MECOM: variants seen among roughly 807,000 people sequenced by gnomAD.
MECOM encodes the protein histone-lysine N-methyltransferase MECOM.
Under a neutral mutation model 116.3 loss-of-function variants are expected in MECOM, and 13 were observed. The observed-to-expected ratio is 0.11, with a 90% CI of 0.07 to 0.18. The LOEUF is 0.18. MECOM is among the 10% of genes least tolerant of loss of function. The probability of loss-of-function intolerance (pLI) is 1.00; values close to 1 mark genes in which losing one functional copy is unlikely to be tolerated. For missense variants in MECOM, 1,299 were observed against 1,509.0 expected (o/e 0.86, Z 2.31); for synonymous variants, 528 against 535.2 (o/e 0.99, Z 0.19).
At chr3:169,508,548 T>C (rs1755581931) in intron 1 of MECOM, among the ~76,000 whole-genome samples, 1 of 152,170 alleles carries the variant, frequency 6.6e-6, no homozygotes, top group Non-Finnish European at 1.5e-5. Context: ...ACACATTTTT[T>C]GTGAGACTCT....
At chr3:169,569,901 A>C (rs923971810) in intron 1 of MECOM, among the ~76,000 whole-genome samples, 1 of 152,226 alleles carries the variant, frequency 6.6e-6, no homozygotes, top group Non-Finnish European at 1.5e-5. Context: ...GGAAAGATCT[A>C]AAATCAAAAA....
intron 2 of MECOM, among the ~76,000 whole-genome samples, chr3:169,308,954 T>G (rs1473271736): frequency 2.0e-5 from 3 of 152,148 alleles, no homozygotes; most frequent in Non-Finnish European, 2.9e-5. Context: ...AATTATGACA[T>G]TCCACCACTA....
intron 5 of MECOM, among the ~76,000 whole-genome samples, chr3:169,124,416 T>C (rs2149143996): frequency 6.6e-6 from 1 of 152,110 alleles, no homozygotes; most frequent in Non-Finnish European, 1.5e-5. Context: ...GACTGCCCTC[T>C]GGGGGAGCCT....
At chr3:169,481,124 C>T (rs1233376215) in intron 1 of MECOM, among the ~76,000 whole-genome samples, 3 of 152,110 alleles carry the variant, frequency 2.0e-5, no homozygotes, top group East Asian at 1.9e-4. Context: ...CAGAAAACAT[C>T]GGTTAAAAAA....
intron 1 of MECOM, among the ~76,000 whole-genome samples, chr3:169,450,611 G>T (rs1478646451): frequency 6.6e-6 from 1 of 151,952 alleles, no homozygotes; most frequent in Admixed American, 6.6e-5. Flanking sequence ...CAAAAAAGAG[G>T]CCAGAGAAGA....
At chr3:169,150,342 A>G (rs16853260) in intron 2 of MECOM, among the ~76,000 whole-genome samples, 1,780 of 152,300 alleles carry the variant, frequency 0.012, 41 homozygotes, top group African/African-American at 0.041. Flanking sequence ...AAATAAATAC[A>G]AGGAGCCAAA....
intron 2 of MECOM, among the ~76,000 whole-genome samples, chr3:169,358,552 C>T (rs1212667268): frequency 6.6e-6 from 1 of 151,158 alleles, no homozygotes; most frequent in Non-Finnish European, 1.5e-5. Flanking sequence ...ATCACCTTTT[C>T]CTTTTATAGA....
In MECOM at chr3:169,663,559, T is replaced by C; in HGVS notation, c.-187A>G. The C allele has an allele frequency of 1.6e-6, 1 of 619,834 alleles. No individual in the cohort carries two copies. Among genetic ancestry groups the C allele is most frequent in the Middle Eastern group, 4.4e-4 (1 of 2,268 alleles). The allele number at this position is 619,834 out of a possible 1,614,324, so 38.4% of individuals were successfully genotyped here. ...CCCTCCTGTTTCTCTCCTGTTTCTCTCTCTCTTCCACACACTCACTCTCTG... is the reference window on the plus strand; with the variant it reads ...CCCTCCTGTTTCTCTCCTGTTTCTCCCTCTCTTCCACACACTCACTCTCTG... On this transcript the variant is annotated 5_prime_UTR_variant, in exon 1 of 17. Coordinates refer to ENST00000651503, the MANE Select transcript of MECOM (RefSeq NM_004991.4).
At chr3:169,598,414 A>C (rs1767409430) in intron 1 of MECOM, among the ~76,000 whole-genome samples, 1 of 152,234 alleles carries the variant, frequency 6.6e-6, no homozygotes, top group Non-Finnish European at 1.5e-5. Context: ...TAAAACATAC[A>C]AAAAAGATTC....
intron 2 of MECOM, among the ~76,000 whole-genome samples, chr3:169,360,290 T>TAAAA (rs1203615730): frequency 2.4e-4 from 7 of 29,506 alleles, no homozygotes; most frequent in Admixed American, 2.0e-3. Context: ...TAAAGTATAA[T>TAAAA]AAAAAAAAAA....
rs1761661962 is a variant in MECOM, at chr3:169,553,561, C to G, written c.37+109775G>C. On this transcript the variant is annotated intron_variant, in intron 1 of 16. Transcript: ENST00000651503. ...ATCACTAAGTCAGTTTCTACCTTTT[C>G]CTGGGCTCATAGGTAGATTATATGT... Among the ~76,000 whole-genome samples the G allele has an allele frequency of 2.0e-5, 3 of 152,212 alleles. 1 individual carries two copies. The highest frequency in any genetic ancestry group is 1.3e-4 in the Admixed American group (2 of 15,280).
chr3:169,511,533 G>A (rs1451200247), intron 1 of MECOM, among the ~76,000 whole-genome samples: 5 of 152,146 alleles, frequency 3.3e-5, no homozygotes, highest in Admixed American at 1.3e-4. Flanking sequence ...AGGCCGAGGT[G>A]GGCAGATCAC....
At position 169,143,763 on chromosome 3, in the gene MECOM, T is replaced by C; in HGVS notation, c.445A>G (p.Lys149Glu). The C allele has an allele frequency of 6.2e-7, 1 of 1,611,500 alleles. No homozygotes were observed. The highest frequency in any genetic ancestry group is 8.5e-7 in the Non-Finnish European group (1 of 1,178,802). ...ASQPDVGSWL[K>E]YIRFAGCYDQ... ...TAACAGCCAGCGAATCTAATGTACT[T>C]GAGCCAGCTTCCAACATCTGGTTGA... The change falls in exon 3 of 17, where the codon AAG becomes GAG. Residue 149 changes from lysine to glutamate, a missense_variant. This residue lies in a region of MECOM where 374 missense variants were observed against 433.4 expected (regional missense o/e 0.86). Coordinates refer to ENST00000651503, the MANE Select transcript of MECOM (RefSeq NM_004991.4).
At chr3:169,230,329 G>T (rs1036102943) in intron 2 of MECOM, among the ~76,000 whole-genome samples, 2 of 151,836 alleles carry the variant, frequency 1.3e-5, no homozygotes, top group Non-Finnish European at 2.9e-5. Context: ...GGGATATGAA[G>T]CATCTTGCCT....
intron 1 of MECOM, among the ~76,000 whole-genome samples, chr3:169,507,962 A>T (rs921906021): frequency 6.6e-6 from 1 of 151,942 alleles, no homozygotes; most frequent in Non-Finnish European, 1.5e-5. Flanking sequence ...GCCCGGCCCC[A>T]ACTTGCCATT....
intron 2 of MECOM, among the ~76,000 whole-genome samples, chr3:169,244,157 A>G (rs548949436): frequency 6.6e-6 from 1 of 152,266 alleles, no homozygotes; most frequent in African/African-American, 2.4e-5. Flanking sequence ...TCTCCTCTTA[A>G]TCTCCTCAGA....
At chr3:169,254,155 G>A (rs1347764538) in intron 2 of MECOM, among the ~76,000 whole-genome samples, 1 of 151,976 alleles carries the variant, frequency 6.6e-6, no homozygotes, top group Non-Finnish European at 1.5e-5. Flanking sequence ...TGAAAATCTT[G>A]GCATTAACAT....
intron 1 of MECOM, among the ~76,000 whole-genome samples, chr3:169,397,776 T>A (rs1207827892): frequency 1.3e-5 from 2 of 152,214 alleles, no homozygotes; most frequent in Non-Finnish European, 2.9e-5. Context: ...TATATGAAAG[T>A]GAGGAGTAGA....
intron 1 of MECOM, among the ~76,000 whole-genome samples, chr3:169,394,422 A>T (rs548155459): frequency 3.9e-5 from 6 of 152,300 alleles, no homozygotes; most frequent in African/African-American, 1.2e-4. Flanking sequence ...TCTAAAAGTG[A>T]TATTCCATTT....
Sources: allele counts gnomAD v4.1 joint callset (sites outside exome capture counted in the v4.1 genomes callset), GRCh38; gene constraint gnomAD v4.1.1; regional missense constraint gnomAD v4.1.1; transcripts MANE v1.5; gene names NCBI Gene and HGNC (gene_info 2026-07-23, HGNC 2026-07-21).